Variants in ADGRB3 observed in about 807,000 individuals in gnomAD.
ADGRB3 encodes adhesion G protein-coupled receptor B3.
A neutral mutation model predicts 193.4 loss-of-function variants in ADGRB3; 37 were observed. The observed-to-expected ratio is 0.19, with a 90% CI of 0.15 to 0.25. The LOEUF (loss-of-function observed/expected upper bound fraction) is 0.25, where lower values mean the gene tolerates loss of function less well. ADGRB3 is among the 10% of genes least tolerant of loss of function. The pLI is 1.00. For synonymous variants in ADGRB3, 690 were observed against 644.2 expected (o/e 1.07, Z -1.08); for missense variants, 1,637 against 1,852.9 (o/e 0.88, Z 2.14).
intron 20 of ADGRB3, among the ~76,000 whole-genome samples, chr6:69,319,751 T>C (rs926692671): frequency 6.6e-5 from 10 of 151,494 alleles, no homozygotes; most frequent in Non-Finnish European, 1.0e-4. Context: ...TTTTACATGT[T>C]AGTATTTGCA....
intron 26 of ADGRB3, among the ~76,000 whole-genome samples, chr6:69,351,604 G>A (rs1375101187): frequency 2.6e-5 from 4 of 152,076 alleles, no homozygotes; most frequent in Non-Finnish European, 5.9e-5. Flanking sequence ...CTTCTGAATA[G>A]CATTTAATGA....
intron 20 of ADGRB3, among the ~76,000 whole-genome samples, chr6:69,260,535 C>T (rs1582586654): frequency 6.6e-6 from 1 of 152,122 alleles, no homozygotes; most frequent in African/African-American, 2.4e-5. Context: ...ACTCTGTCAC[C>T]AGTCAAAAGA....
chr6:69,264,544 T>C lies in ADGRB3; in HGVS notation c.2814+25318T>C, dbSNP rs528691142. On this transcript the variant is annotated intron_variant, in intron 20 of 31. Transcript: ENST00000370598. ...TTTTTATTTATTTAGATTTGTGCAA[T>C]AACTTGAGTATTTGACTACCAAAGC... 4.0e-5 allele frequency among the ~76,000 whole-genome samples: 6 copies of C among 151,870 alleles called. No individual in the cohort carries two copies. In the South Asian group the frequency reaches 1.0e-3, roughly 26 times the overall value.
intron 17 of ADGRB3, 179 bp from the exon 18 acceptor site, chr6:69,233,111 C>A: frequency 2.3e-6 from 2 of 885,942 alleles, no homozygotes; most frequent in Admixed American, 2.7e-5. Flanking sequence ...TTCCCACTCT[C>A]GCTTTGCATT....
At chr6:69,334,999 G>C (rs539645234) in intron 24 of ADGRB3, among the ~76,000 whole-genome samples, 6 of 152,206 alleles carry the variant, frequency 3.9e-5, no homozygotes, top group African/African-American at 1.4e-4. Context: ...TGAGAAGCCA[G>C]CCTGAACAGA....
chr6:68,982,843 G>T (rs1275518476), intron 10 of ADGRB3, among the ~76,000 whole-genome samples: 1 of 152,038 alleles, frequency 6.6e-6, no homozygotes, highest in East Asian at 1.9e-4. Context: ...CCCGAGAGGT[G>T]CTCTGCCTCA....
intron 3 of ADGRB3, among the ~76,000 whole-genome samples, chr6:68,847,229 C>G (rs1204862058): frequency 2.0e-5 from 3 of 152,124 alleles, no homozygotes; most frequent in Non-Finnish European, 4.4e-5. Flanking sequence ...TTCACAGGCT[C>G]ATAGGTGGAA....
chr6:69,017,366 A>G (rs1770124493), intron 12 of ADGRB3, among the ~76,000 whole-genome samples: 1 of 151,940 alleles, frequency 6.6e-6, no homozygotes, highest in Non-Finnish European at 1.5e-5. Flanking sequence ...TCATGGCTAG[A>G]AAATGCAGTG....
chr6:68,730,892 G>T (rs1018987584), intron 3 of ADGRB3, among the ~76,000 whole-genome samples: 1 of 151,616 alleles, frequency 6.6e-6, no homozygotes, highest in South Asian at 2.1e-4. Context: ...GAGAAAGTGC[G>T]CTGCTCTCTA....
At chr6:68,865,855 G>A (rs1765281918) in intron 3 of ADGRB3, among the ~76,000 whole-genome samples, 1 of 152,136 alleles carries the variant, frequency 6.6e-6, no homozygotes, top group Non-Finnish European at 1.5e-5. Context: ...ATCCAATGAA[G>A]CAACAGAACA....
intron 11 of ADGRB3, among the ~76,000 whole-genome samples, chr6:69,003,105 G>T (rs147009563): frequency 6.6e-6 from 1 of 152,122 alleles, no homozygotes; most frequent in African/African-American, 2.4e-5. Context: ...TCATGTGAGG[G>T]TTAAACTTTC....
intron 13 of ADGRB3, among the ~76,000 whole-genome samples, chr6:69,026,796 G>A (rs1770443673): frequency 1.3e-5 from 2 of 152,096 alleles, no homozygotes; most frequent in Admixed American, 6.5e-5. Flanking sequence ...AAATACTTGT[G>A]TGCCTAAACG....
intron 4 of ADGRB3, among the ~76,000 whole-genome samples, chr6:68,931,590 A>G (rs1041009905): frequency 6.6e-6 from 1 of 152,178 alleles, no homozygotes; most frequent in Non-Finnish European, 1.5e-5. Context: ...AGAAGTTTCA[A>G]GTACATGACC....
intron 20 of ADGRB3, among the ~76,000 whole-genome samples, chr6:69,306,056 A>G (rs1190805759): frequency 6.6e-6 from 1 of 151,516 alleles, no homozygotes; most frequent in Non-Finnish European, 1.5e-5. Flanking sequence ...ATACTATGCC[A>G]TTTTATATAA....
chr6:68,663,224 T>C (rs1005715138), intron 3 of ADGRB3, among the ~76,000 whole-genome samples: 19 of 151,508 alleles, frequency 1.3e-4, no homozygotes, highest in Non-Finnish European at 4.4e-5. Context: ...CAATAAATTA[T>C]AGTTTGTGTT....
intron 3 of ADGRB3, among the ~76,000 whole-genome samples, chr6:68,750,922 A>G (rs1358917995): frequency 1.3e-5 from 2 of 152,194 alleles, no homozygotes; most frequent in African/African-American, 4.8e-5. Flanking sequence ...TCCTATGTAT[A>G]TCTGGGAGTC....
chr6:69,049,017 A>G (rs1771317576), intron 14 of ADGRB3, among the ~76,000 whole-genome samples: 1 of 152,126 alleles, frequency 6.6e-6, no homozygotes, highest in South Asian at 2.1e-4. Flanking sequence ...TGGGAAATTA[A>G]ACTCTTAAAT....
chr6:69,058,865 T>G (rs375006548), intron 15 of ADGRB3, among the ~76,000 whole-genome samples: 2 of 152,102 alleles, frequency 1.3e-5, no homozygotes, highest in South Asian at 2.1e-4. Context: ...TGGCTTAACA[T>G]GTGGTCTATC....
chr6:68,713,346 C>T (rs999354820), intron 3 of ADGRB3, among the ~76,000 whole-genome samples: 1 of 151,700 alleles, frequency 6.6e-6, no homozygotes, highest in African/African-American at 2.4e-5. Flanking sequence ...TGGACGATTC[C>T]AACTTCCATT....
Sources: gnomAD v4.1 joint callset for allele counts (sites outside exome capture counted in the v4.1 genomes callset) on GRCh38, gnomAD v4.1.1 for gene constraint, MANE v1.5 for transcripts, NCBI Gene and HGNC (gene_info 2026-07-23, HGNC 2026-07-21) for gene names.